The following SNTB1 variants were observed in gnomAD, a reference collection of about 807,000 sequenced individuals.
SNTB1 encodes beta-1-syntrophin.
Under a neutral mutation model 48.9 loss-of-function variants are expected in SNTB1, and 36 were observed. That is an observed-to-expected ratio of 0.74 (90% CI 0.56 to 0.97). The LOEUF (loss-of-function observed/expected upper bound fraction) is 0.97. Among genes scored for constraint, SNTB1 ranks in the 50% least tolerant of loss-of-function variants. The probability of loss-of-function intolerance (pLI) is 0.00; values close to 1 mark genes in which losing one functional copy is unlikely to be tolerated. For missense variants in SNTB1, 786 were observed against 703.4 expected (o/e 1.12, Z -1.33); for synonymous variants, 299 against 294.6 (o/e 1.01, Z -0.15).
chr8:120,582,762 G>A (rs532451115), intron 3 of SNTB1, among the ~76,000 whole-genome samples: 3 of 151,820 alleles, frequency 2.0e-5, no homozygotes, highest in African/African-American at 7.2e-5. Flanking sequence ...CCTGTCGGGG[G>A]ATGGGGGACA....
chr8:120,683,230 T>C (rs1305066931), intron 2 of SNTB1, among the ~76,000 whole-genome samples: 1 of 152,124 alleles, frequency 6.6e-6, no homozygotes, highest in Non-Finnish European at 1.5e-5. Flanking sequence ...TTATGTTAAA[T>C]TACACTTGAA....
intron 2 of SNTB1, chr8:120,637,175 G>C (rs1817094757): frequency 3.1e-6 from 1 of 321,742 alleles, no homozygotes; most frequent in Non-Finnish European, 6.3e-6. Flanking sequence ...ACATGGGGGA[G>C]AGCATGCCTA....
At chr8:120,613,721 T>G (rs1375788478) in intron 3 of SNTB1, among the ~76,000 whole-genome samples, 2 of 152,216 alleles carry the variant, frequency 1.3e-5, no homozygotes, top group Non-Finnish European at 2.9e-5. Context: ...TTACCATGTA[T>G]CCGGTAGTGG....
chr8:120,656,298 G>C (rs561007094), intron 2 of SNTB1, among the ~76,000 whole-genome samples: 1 of 152,290 alleles, frequency 6.6e-6, no homozygotes, highest in Non-Finnish European at 1.5e-5. Flanking sequence ...GCATGATATA[G>C]TATTCTGCTA....
At chr8:120,694,254 A>C (rs1818174259) in intron 1 of SNTB1, among the ~76,000 whole-genome samples, 1 of 152,210 alleles carries the variant, frequency 6.6e-6, no homozygotes, top group Admixed American at 6.5e-5. Flanking sequence ...ACTTAGGCTA[A>C]AAGATACGTT....
intron 1 of SNTB1, among the ~76,000 whole-genome samples, chr8:120,737,335 C>T (rs979386313): frequency 3.9e-5 from 6 of 152,018 alleles, no homozygotes; most frequent in African/African-American, 1.4e-4. Context: ...AACACTTTGT[C>T]GACTATGAAG....
At chr8:120,572,909 C>G (rs1815882547) in intron 4 of SNTB1, among the ~76,000 whole-genome samples, 1 of 152,158 alleles carries the variant, frequency 6.6e-6, no homozygotes, top group Non-Finnish European at 1.5e-5. Flanking sequence ...GAGTGAAACT[C>G]TGTCTCAAAA....
chr8:120,585,837 T>A (rs1816130769), intron 3 of SNTB1, among the ~76,000 whole-genome samples: 1 of 152,260 alleles, frequency 6.6e-6, no homozygotes, highest in African/African-American at 2.4e-5. Flanking sequence ...AAATCAAACA[T>A]GTCATATGTT....
intron 2 of SNTB1, among the ~76,000 whole-genome samples, chr8:120,686,112 C>T (rs1008343010): frequency 1.3e-5 from 2 of 152,194 alleles, no homozygotes; most frequent in Non-Finnish European, 2.9e-5. Context: ...CTCTACAGCT[C>T]TCCTCTTCTG....
chr8:120,624,870 A>T (rs1480119809), intron 3 of SNTB1, among the ~76,000 whole-genome samples: 1 of 152,216 alleles, frequency 6.6e-6, no homozygotes, highest in African/African-American at 2.4e-5. Context: ...AAAGGGAGAA[A>T]TAGGCAAGAA....
intron 1 of SNTB1, among the ~76,000 whole-genome samples, chr8:120,707,923 CTG>C (rs377222530): frequency 1.7e-4 from 26 of 152,168 alleles, no homozygotes; most frequent in East Asian, 9.7e-4. Context: ...TAAACATACT[CTG>C]TGACAATTAC....
At chr8:120,628,724 C>G (rs1384839998) in intron 3 of SNTB1, among the ~76,000 whole-genome samples, 1 of 151,868 alleles carries the variant, frequency 6.6e-6, no homozygotes, top group Non-Finnish European at 1.5e-5. Context: ...CCACTGCACT[C>G]CAGCCTGGGA....
chr8:120,784,046 T>A (rs1587160145), intron 1 of SNTB1, among the ~76,000 whole-genome samples: 1 of 152,016 alleles, frequency 6.6e-6, no homozygotes, highest in African/African-American at 2.4e-5. Context: ...CAGGCTGGAG[T>A]GCAATGGCAC....
At chr8:120,799,627 A>G (rs4509376) in intron 1 of SNTB1, among the ~76,000 whole-genome samples, 17,588 of 151,966 alleles carry the variant, frequency 0.12, 1,474 homozygotes, top group African/African-American at 0.23. Flanking sequence ...AAATAGCAAC[A>G]AAAATCAGTT....
chr8:120,731,044 T>A (rs1343100607), intron 1 of SNTB1, among the ~76,000 whole-genome samples: 10 of 151,998 alleles, frequency 6.6e-5, no homozygotes, highest in Non-Finnish European at 1.5e-4. Context: ...TTGCTTGAAT[T>A]CAGAAGGTGG....
chr8:120,544,861 A>G (rs550893874), intron 5 of SNTB1, among the ~76,000 whole-genome samples: 31 of 151,548 alleles, frequency 2.0e-4, no homozygotes, highest in African/African-American at 7.3e-4. Flanking sequence ...TACTCCTACA[A>G]GACTTCAACA....
At chr8:120,628,404 C>T (rs1455042081) in intron 3 of SNTB1, among the ~76,000 whole-genome samples, 1 of 152,114 alleles carries the variant, frequency 6.6e-6, no homozygotes, top group Non-Finnish European at 1.5e-5. Context: ...TTTTACAATT[C>T]ACAGGAGTTA....
intron 1 of SNTB1, among the ~76,000 whole-genome samples, chr8:120,718,984 C>T (rs1818608885): frequency 6.6e-6 from 1 of 152,054 alleles, no homozygotes; most frequent in Admixed American, 6.6e-5. Context: ...TGCTTCAAAC[C>T]CAAACTCTCA....
At chr8:120,777,221 A>G (rs1358330746) in intron 1 of SNTB1, among the ~76,000 whole-genome samples, 1 of 152,190 alleles carries the variant, frequency 6.6e-6, no homozygotes, top group Non-Finnish European at 1.5e-5. Flanking sequence ...ACCATGGATA[A>G]ATAGGGGCCT....
Sources: allele counts gnomAD v4.1 joint callset (sites outside exome capture counted in the v4.1 genomes callset), GRCh38; gene constraint gnomAD v4.1.1; transcripts MANE v1.5; gene names NCBI Gene and HGNC (gene_info 2026-07-23, HGNC 2026-07-21).